Variants in LYPD6B observed in about 807,000 individuals in gnomAD.
LYPD6B encodes the protein ly6/PLAUR domain-containing protein 6B.
Under a neutral mutation model 22.8 loss-of-function variants are expected in LYPD6B, and 17 were observed. The ratio of observed to expected loss-of-function variants is 0.75; its 90% CI spans 0.51 to 1.12. The LOEUF (loss-of-function observed/expected upper bound fraction) is 1.12, where lower values mean the gene tolerates loss of function less well. LYPD6B is among the 50% of genes most tolerant of loss of function. The probability of loss-of-function intolerance (pLI) is 0.00; values close to 1 mark genes in which losing one functional copy is unlikely to be tolerated. For synonymous variants in LYPD6B, 106 were observed against 91.6 expected, an observed-to-expected ratio of 1.16 and a Z score of -0.90; for missense variants, 221 against 258.3, an observed-to-expected ratio of 0.86 and a Z score of 0.99.
intron 1 of LYPD6B, among the ~76,000 whole-genome samples, chr2:149,120,542 A>G (rs1235513931): frequency 1.4e-5 from 2 of 146,912 alleles, no homozygotes; most frequent in Non-Finnish European, 3.0e-5. Flanking sequence ...GCCACCACAC[A>G]TGCCTAATTT....
intron 1 of LYPD6B, chr2:149,068,933 G>A (rs937043795): frequency 3.9e-6 from 1 of 257,662 alleles, no homozygotes; most frequent in African/African-American, 2.3e-5. Flanking sequence ...GGTCTTCTAA[G>A]AAACATTTCT....
At chr2:149,210,765 G>A (rs1047784828) in intron 5 of LYPD6B, among the ~76,000 whole-genome samples, 2 of 152,126 alleles carry the variant, frequency 1.3e-5, no homozygotes, top group Admixed American at 6.5e-5. Flanking sequence ...ACCAGTTTTC[G>A]ATTCTTCTTT....
chr2:149,144,933 C>T (rs1049779305), intron 2 of LYPD6B, among the ~76,000 whole-genome samples: 4 of 152,136 alleles, frequency 2.6e-5, no homozygotes, highest in Non-Finnish European at 4.4e-5. Flanking sequence ...AACTGCTCTA[C>T]TTGTTACTGC....
chr2:149,150,229 G>C (rs951007305), intron 2 of LYPD6B, among the ~76,000 whole-genome samples: 15 of 152,158 alleles, frequency 9.9e-5, no homozygotes, highest in African/African-American at 3.4e-4. Context: ...TGTATGCTTG[G>C]TGTGGAGCTG....
intron 2 of LYPD6B, among the ~76,000 whole-genome samples, chr2:149,154,379 A>G (rs1363283729): frequency 1.3e-5 from 2 of 152,154 alleles, no homozygotes; most frequent in African/African-American, 4.8e-5. Flanking sequence ...GCTGGAACAC[A>G]CCTTCCTCAG....
chr2:149,128,318 A>G (rs577204013), intron 1 of LYPD6B, among the ~76,000 whole-genome samples: 64 of 152,258 alleles, frequency 4.2e-4, no homozygotes, highest in Non-Finnish European at 7.9e-4. Context: ...ATCAAATAGC[A>G]TTTTAAATCT....
intron 2 of LYPD6B, among the ~76,000 whole-genome samples, chr2:149,154,758 A>G (rs1303538508): frequency 2.0e-5 from 3 of 152,160 alleles, no homozygotes; most frequent in Non-Finnish European, 4.4e-5. Context: ...TTGCTTCCCT[A>G]CAGGAAAAAC....
At chr2:149,048,349 C>T (rs1314561936) in intron 1 of LYPD6B, among the ~76,000 whole-genome samples, 1 of 152,176 alleles carries the variant, frequency 6.6e-6, no homozygotes, top group East Asian at 1.9e-4. Flanking sequence ...TCTGGTTATT[C>T]TCAGTGTACC....
chr2:149,067,280 G>T (rs1241633497), intron 1 of LYPD6B, among the ~76,000 whole-genome samples: 2 of 152,066 alleles, frequency 1.3e-5, no homozygotes, highest in East Asian at 3.9e-4. Flanking sequence ...GGCATGATCA[G>T]TTGTGAATGC....
chr2:149,214,665 C>T lies in LYPD6B; in HGVS notation c.579C>T (p.Leu193=). 1.2e-6 allele frequency: 2 copies of T among 1,614,028 alleles called. No individual in the cohort carries two copies. The highest frequency in any genetic ancestry group is 1.7e-6 in the Non-Finnish European group (2 of 1,179,886). ...QRTSGSSAPT[L]YLPVLAWVFV... is the part of the protein sequence containing the mutation. ...CATCTGGCAGCAGTGCCCCCACACT[C>T]TACCTACCAGTGCTTGCCTGGGTCT... Residue 193 remains leucine, a synonymous_variant, in exon 7 of 7, where the codon CTC becomes CTT. Transcript: ENST00000409642.
At chr2:149,212,808 T>G (rs1399007317) in intron 5 of LYPD6B, among the ~76,000 whole-genome samples, 184 bp from the exon 6 acceptor site, 1 of 152,210 alleles carries the variant, frequency 6.6e-6, no homozygotes, top group Non-Finnish European at 1.5e-5. Flanking sequence ...CAGAAGCTGG[T>G]GTCCTTTGAA....
At chr2:149,078,525 G>C (rs1334693711) in intron 1 of LYPD6B, among the ~76,000 whole-genome samples, 2 of 151,976 alleles carry the variant, frequency 1.3e-5, no homozygotes, top group Non-Finnish European at 2.9e-5. Flanking sequence ...TAACACAAGG[G>C]GAAACACTCT....
At chr2:149,049,556 G>A (rs1683457929) in intron 1 of LYPD6B, among the ~76,000 whole-genome samples, 1 of 152,204 alleles carries the variant, frequency 6.6e-6, no homozygotes, top group African/African-American at 2.4e-5. Flanking sequence ...GTACCTCAGA[G>A]TGCTCTTGTG....
chr2:149,147,050 A>T (rs2105803220), intron 2 of LYPD6B, among the ~76,000 whole-genome samples: 1 of 152,250 alleles, frequency 6.6e-6, no homozygotes, highest in Non-Finnish European at 1.5e-5. Context: ...ACACAGTCTA[A>T]GACTCCAGGG....
chr2:149,061,277 G>C (rs73963315), intron 1 of LYPD6B, among the ~76,000 whole-genome samples: 13,974 of 151,438 alleles, frequency 0.092, 1,581 homozygotes, highest in African/African-American at 0.27. Flanking sequence ...GCTCATTGCA[G>C]CCTTGACCTC....
chr2:149,048,603 G>A (rs1193795573), intron 1 of LYPD6B, among the ~76,000 whole-genome samples: 1 of 152,188 alleles, frequency 6.6e-6, no homozygotes, highest in Non-Finnish European at 1.5e-5. Flanking sequence ...CTTCCTGCAA[G>A]TGCCTCTCTA....
At chr2:149,076,388 C>G (rs1281340718) in intron 1 of LYPD6B, among the ~76,000 whole-genome samples, 1 of 152,072 alleles carries the variant, frequency 6.6e-6, no homozygotes, top group East Asian at 1.9e-4. Context: ...AAATAATTTA[C>G]CCAGGACTCT....
Position 149,173,085 on chromosome 2 carries a change from C to T in LYPD6B, c.77+12250C>T, listed in dbSNP as rs1242148684. On this transcript the variant is annotated intron_variant, in intron 3 of 6. Coordinates refer to ENST00000409642, the MANE Select transcript of LYPD6B (RefSeq NM_177964.5). Reference sequence around the variant, plus strand: ...TATGGGTTGAATTTCTCTGGAAAAACCTGACTAATACAATCGTGAAGAAGA... The same window carrying T: ...TATGGGTTGAATTTCTCTGGAAAAATCTGACTAATACAATCGTGAAGAAGA... Among the ~76,000 whole-genome samples the T allele has an allele frequency of 4.6e-5, 7 of 151,434 alleles. 1 individual carries two copies. The highest frequency in any genetic ancestry group is 1.5e-4 in the African/African-American group (6 of 41,234).
At chr2:149,214,485 T>G in intron 6 of LYPD6B, 61 bp from the exon 7 acceptor site, 2 of 1,544,292 alleles carry the variant, frequency 1.3e-6, no homozygotes, top group Non-Finnish European at 8.9e-7. Context: ...TATCTTTCTT[T>G]CTTTTGCCCC....
Sources: allele counts gnomAD v4.1 joint callset (sites outside exome capture counted in the v4.1 genomes callset), GRCh38; gene constraint gnomAD v4.1.1; transcripts MANE v1.5; gene names NCBI Gene and HGNC (gene_info 2026-07-23, HGNC 2026-07-21).